The following ADGRE3 variants were observed in gnomAD, a reference collection of about 807,000 sequenced individuals.
ADGRE3 encodes the protein EGF-like module receptor 3.
ADGRE3 carries 88 observed loss-of-function variants against 80.1 expected under a neutral mutation model. That is an observed-to-expected ratio of 1.10 (90% CI 0.93 to 1.31). The LOEUF is 1.31. Among genes scored for constraint, ADGRE3 ranks in the 40% most tolerant of loss-of-function variants. The pLI is 0.00. For synonymous variants in ADGRE3, 281 were observed against 294.8 expected, an observed-to-expected ratio of 0.95 and a Z score of 0.48; for missense variants, 715 against 776.5, an observed-to-expected ratio of 0.92 and a Z score of 0.94.
chr19:14,669,990 T>C (rs1972208386), intron 1 of ADGRE3, among the ~76,000 whole-genome samples: 1 of 152,122 alleles, frequency 6.6e-6, no homozygotes, highest in Non-Finnish European at 1.5e-5. Context: ...GGGTGATGGG[T>C]ACATCAGAAA....
chr19:14,665,978 A>ATATATATATATATATATATAT (rs1568500899), intron 2 of ADGRE3, among the ~76,000 whole-genome samples: 1 of 128,248 alleles, frequency 7.8e-6, no homozygotes, highest in African/African-American at 2.9e-5. Flanking sequence ...ATATATATAT[A>ATATATATATATATATATATAT]GTGTTTTCTT....
intron 15 of ADGRE3, among the ~76,000 whole-genome samples, chr19:14,624,615 C>A (rs1970686622): frequency 6.6e-6 from 1 of 151,626 alleles, no homozygotes; most frequent in Non-Finnish European, 1.5e-5. Flanking sequence ...ATTAGTAGGG[C>A]ATGGTGGTGC....
At chr19:14,652,891 A>G (rs1269829311) in intron 6 of ADGRE3, among the ~76,000 whole-genome samples, 1 of 151,634 alleles carries the variant, frequency 6.6e-6, no homozygotes, top group African/African-American at 2.4e-5. Flanking sequence ...TATTTACTCT[A>G]ATTATGTATT....
At chr19:14,635,449 G>A (rs377474913) in intron 11 of ADGRE3, among the ~76,000 whole-genome samples, 15 of 139,856 alleles carry the variant, frequency 1.1e-4, no homozygotes, top group African/African-American at 3.8e-4. Context: ...CGCTCTTGTT[G>A]CCCAGGCTGG....
At chr19:14,646,550 T>C (rs1005537678) in intron 8 of ADGRE3, among the ~76,000 whole-genome samples, 5 of 151,142 alleles carry the variant, frequency 3.3e-5, no homozygotes, top group African/African-American at 7.3e-5. Context: ...CTAATTCTTT[T>C]TTTTTTTTTT....
In ADGRE3 at chr19:14,647,301, A is replaced by G. The variant is rs745334443; in HGVS notation, c.762T>C (p.Phe254=). The G allele has an allele frequency of 6.2e-7, 1 of 1,612,664 alleles. No homozygotes were observed. Among genetic ancestry groups the G allele is most frequent in the Non-Finnish European group, 8.5e-7 (1 of 1,178,692 alleles). ...CTTGATCTTTCTTATCCATCTCTTC[A>G]AAAAAAGTTGCATTTATGATGTTTC... The part of the protein sequence containing the change: ...SLGNIINATF[F]EEMDKKDQVY... Residue 254 remains phenylalanine (F), a synonymous_variant, in exon 8 of 16, where the codon TTT becomes TTC. Transcript: ENST00000253673.
chr19:14,644,254 C>A lies in ADGRE3; in HGVS notation c.904G>T (p.Val302Phe). Residue 302 changes from valine (V) to phenylalanine (F), a missense_variant, in exon 9 of 16, where the codon GTC (valine) becomes TTC (phenylalanine). Transcript: ENST00000253673. ...GTGCTCTTCCAGTAGACACAGAAGA[C>A]CTTTTTGGTACTGGGGGTCATCTGA... is the stretch of plus-strand genomic sequence containing the variant. ...HVKMTPSTKK[V>F]FCVYWKSTGQ... The A allele has an allele frequency of 6.4e-7, 1 of 1,565,504 alleles. No homozygotes were observed. Among genetic ancestry groups the A allele is most frequent in the Non-Finnish European group, 8.6e-7 (1 of 1,157,726 alleles).
At chr19:14,655,644 T>C (rs10425072) in intron 5 of ADGRE3, among the ~76,000 whole-genome samples, 4,565 of 151,810 alleles carry the variant, frequency 0.03, 214 homozygotes, top group African/African-American at 0.11. Flanking sequence ...TTTTTTTTTG[T>C]ATAGACAGGG....
intron 7 of ADGRE3, 63 bp from the exon 8 acceptor site, chr19:14,647,428 T>C: frequency 1.0e-6 from 1 of 998,642 alleles, no homozygotes; most frequent in Admixed American, 2.9e-5. Context: ...TTTTTTTTTT[T>C]TGAGACGGAG....
chr19:14,616,008 T>C (rs193114280), downstream of ADGRE3, among the ~76,000 whole-genome samples: 5 of 150,740 alleles, frequency 3.3e-5, no homozygotes, highest in East Asian at 7.9e-4. Context: ...TGTCGCCCAC[T>C]GTAACCTCCG....
In ADGRE3 at chr19:14,638,267, C is replaced by T. The variant is rs1971155447; in HGVS notation, c.1322G>A (p.Gly441Asp). 4 of 1,614,092 alleles carry T rather than the reference C, an allele frequency of 2.5e-6. No individual in the cohort carries two copies. The highest frequency in any genetic ancestry group is 2.2e-5 in the East Asian group (1 of 44,876). Residue 441 changes from glycine (G) to aspartate (D), a missense_variant, in exon 11 of 16, where the codon GGT (glycine) becomes GAT (aspartate). Gly to Asp is a moderately conservative substitution (Grantham distance 94). Transcript: ENST00000253673. ...CCGTGCAGTGAGGAAGAGGTGCACA[C>T]CCTCCAGCAGCATCCAGGTGAAGGC... ...LAAFTWMLLE[G>D]VHLFLTARNL...
At chr19:14,603,977 A>C in the ADGRE3 span, among the ~76,000 whole-genome samples, 268 of 152,282 alleles carry the variant, frequency 1.8e-3, 3 homozygotes, top group African/African-American at 6.0e-3. Flanking sequence ...ACTTTGGGCC[A>C]TCTAGGCTGC....
the ADGRE3 span, chr19:14,607,045 A>G: frequency 3.0e-6 from 4 of 1,353,832 alleles, no homozygotes; most frequent in Non-Finnish European, 3.8e-6. Context: ...CTGGGGCTGA[A>G]TGACAGGGCC....
At position 14,668,804 on chromosome 19, in the gene ADGRE3, T is replaced by C; in HGVS notation, c.74A>G (p.Lys25Arg). Reference sequence around the variant, plus strand: ...CTGTTCTGGCTCTGAGCACTCACTTTTGGTTTTCTGAGTCACAGCTCCAAA... The same window carrying C: ...CTGTTCTGGCTCTGAGCACTCACTTCTGGTTTTCTGAGTCACAGCTCCAAA... ...SLFGAVTQKT[K>R]TSCAKCPPNA... is the part of the protein sequence containing the mutation. The change falls in exon 2 of 16, where the codon AAA becomes AGA. Residue 25 changes from lysine (K) to arginine (R), a missense_variant and splice_region_variant. Transcript: ENST00000253673. 6.2e-7 allele frequency: 1 copy of C among 1,613,996 alleles called. No individual in the cohort carries two copies. Among genetic ancestry groups the C allele is most frequent in the East Asian group, 2.2e-5 (1 of 44,870 alleles).
At chr19:14,660,834 A>AGAATTT (rs1367115572) in intron 4 of ADGRE3, among the ~76,000 whole-genome samples, 1 of 151,962 alleles carries the variant, frequency 6.6e-6, no homozygotes, top group Non-Finnish European at 1.5e-5. Context: ...TCATTCCCAA[A>AGAATTT]GAATTTGCAA....
chr19:14,665,936 G>GTATGTATATA (rs1972082933), intron 2 of ADGRE3, among the ~76,000 whole-genome samples: 1 of 42,098 alleles, frequency 2.4e-5, no homozygotes, highest in Admixed American at 3.2e-4. Context: ...ACACATATGT[G>GTATGTATATA]TATATATATA....
intron 6 of ADGRE3, 63 bp downstream of exon 6, chr19:14,654,919 C>T (rs111825387): frequency 0.043 from 58,128 of 1,351,198 alleles, 1,522 homozygotes; most frequent in Non-Finnish European, 0.049. Context: ...TTTCTAATTG[C>T]CTAACCCAGA....
intron 7 of ADGRE3, among the ~76,000 whole-genome samples, chr19:14,650,382 CTCCCCTTCTCTCTCTTTCCATCGCTG>C (rs1971556923): frequency 6.7e-6 from 1 of 150,040 alleles, no homozygotes; most frequent in African/African-American, 2.5e-5. Flanking sequence ...TTCCATCTCT[CTCCCCTTCTCTCTCTTTCCATCGCTG>C]TCCCCATCTC....
the ADGRE3 span, chr19:14,610,004 C>T: frequency 2.4e-6 from 3 of 1,257,308 alleles, no homozygotes; most frequent in Middle Eastern, 1.9e-4. Flanking sequence ...CAGTATTATA[C>T]AGAAGAGTTT....
Sources: gnomAD v4.1 joint callset for allele counts (sites outside exome capture counted in the v4.1 genomes callset) on GRCh38, gnomAD v4.1.1 for gene constraint, MANE v1.5 for transcripts, NCBI Gene and HGNC (gene_info 2026-07-23, HGNC 2026-07-21) for gene names.